MYO1E: variants seen among roughly 807,000 people sequenced by gnomAD.
MYO1E encodes the protein unconventional myosin-Ie.
MYO1E carries 68 observed loss-of-function variants against 151.1 expected under a neutral mutation model. The ratio of observed to expected loss-of-function variants is 0.45; its 90% CI spans 0.37 to 0.55. The LOEUF is 0.55. Among genes scored for constraint, MYO1E ranks in the 20% least tolerant of loss-of-function variants. The probability of loss-of-function intolerance (pLI) is 0.00; values close to 1 mark genes in which losing one functional copy is unlikely to be tolerated. For missense variants in MYO1E, 1,363 were observed against 1,389.3 expected, an observed-to-expected ratio of 0.98 and a Z score of 0.30; for synonymous variants, 601 against 501.7, an observed-to-expected ratio of 1.20 and a Z score of -2.64.
intron 1 of MYO1E, among the ~76,000 whole-genome samples, chr15:59,316,518 C>T (rs74017723): frequency 0.011 from 1,605 of 152,214 alleles, 29 homozygotes; most frequent in African/African-American, 0.036. Flanking sequence ...AGAAAGAAAA[C>T]GAATGGAAAT....
intron 1 of MYO1E, among the ~76,000 whole-genome samples, chr15:59,305,287 G>A (rs1022298930): frequency 2.0e-5 from 3 of 152,056 alleles, no homozygotes; most frequent in South Asian, 2.1e-4. Context: ...TCTGCCTCCC[G>A]GGATCAAGCA....
intron 2 of MYO1E, among the ~76,000 whole-genome samples, chr15:59,263,242 T>A (rs1427545127): frequency 6.6e-6 from 1 of 152,218 alleles, no homozygotes; most frequent in East Asian, 1.9e-4. Flanking sequence ...CCAGCCCAGG[T>A]GTTCAGTCAG....
intron 20 of MYO1E, 66 bp from the exon 21 acceptor site, chr15:59,173,981 G>A: frequency 1.9e-6 from 3 of 1,561,850 alleles, no homozygotes; most frequent in South Asian, 2.2e-5. Context: ...GGAAAATACT[G>A]TGGAAATATA....
intron 1 of MYO1E, among the ~76,000 whole-genome samples, chr15:59,319,042 G>A (rs907268639): frequency 6.6e-6 from 1 of 152,168 alleles, no homozygotes; most frequent in African/African-American, 2.4e-5. Context: ...TGGGTGTGGT[G>A]GCTCATGCCT....
chr15:59,272,185 C>CTTA (rs1296935437), intron 2 of MYO1E, 121 bp downstream of exon 2: 1 of 1,157,462 alleles, frequency 8.6e-7, no homozygotes, highest in Non-Finnish European at 1.3e-6. Flanking sequence ...GAACTCCTGC[C>CTTA]TTAGCCTTCC....
At chr15:59,213,151 A>T (rs1450408567) in intron 12 of MYO1E, among the ~76,000 whole-genome samples, 8 of 140,422 alleles carry the variant, frequency 5.7e-5, no homozygotes, top group African/African-American at 2.1e-4. Flanking sequence ...TATTATTATT[A>T]TTATTATTAT....
chr15:59,332,509 A>C (rs1425655389), intron 1 of MYO1E, among the ~76,000 whole-genome samples: 1 of 152,216 alleles, frequency 6.6e-6, no homozygotes, highest in Admixed American at 6.5e-5. Context: ...ATTAGAATAC[A>C]CAGATTACTA....
chr15:59,216,685 T>TATATAC (rs1232339026), intron 10 of MYO1E, among the ~76,000 whole-genome samples: 55 of 38,650 alleles, frequency 1.4e-3, no homozygotes, highest in Admixed American at 1.9e-3. Flanking sequence ...TATATATATA[T>TATATAC]ACACATACAC....
chr15:59,234,066 T>C (rs1566987595), intron 5 of MYO1E, among the ~76,000 whole-genome samples: 1 of 152,220 alleles, frequency 6.6e-6, no homozygotes, highest in Non-Finnish European at 1.5e-5. Context: ...ATCTTTCTAC[T>C]GCACAGAGCT....
chr15:59,277,132 CAA>C (rs1457009899), intron 1 of MYO1E, among the ~76,000 whole-genome samples: 1 of 152,172 alleles, frequency 6.6e-6, no homozygotes, highest in Non-Finnish European at 1.5e-5. Flanking sequence ...AGGTGACCAT[CAA>C]TACTCTTACA....
chr15:59,246,233 T>G (rs1261578755), intron 4 of MYO1E, among the ~76,000 whole-genome samples: 5 of 152,172 alleles, frequency 3.3e-5, no homozygotes, highest in Non-Finnish European at 7.3e-5. Context: ...TTCTCCTGCC[T>G]CAGCTTTCCA....
intron 9 of MYO1E, among the ~76,000 whole-genome samples, chr15:59,221,016 A>G (rs1241382524): frequency 1.4e-5 from 2 of 145,116 alleles, no homozygotes; most frequent in African/African-American, 2.5e-5. Context: ...TATAATATAT[A>G]TATAAAATTT....
At chr15:59,259,585 G>A (rs1462209871) in intron 3 of MYO1E, among the ~76,000 whole-genome samples, 1 of 152,172 alleles carries the variant, frequency 6.6e-6, no homozygotes, top group Non-Finnish European at 1.5e-5. Context: ...CTTTGAAAAT[G>A]AGAAAGTAGA....
At position 59,278,814 on chromosome 15, in the gene MYO1E, C is replaced by T. The variant is rs114568767; in HGVS notation, c.4-6365G>A. ...GGAACATTTACTGAAACCAGAAATA[C>T]GTGCCAATGCTTTTTACATAATTAT... On this transcript the variant is annotated intron_variant, in intron 1 of 27. Coordinates refer to ENST00000288235, the MANE Select transcript of MYO1E (RefSeq NM_004998.4). Among the ~76,000 whole-genome samples, 710 of 152,238 alleles carry T rather than the reference C, an allele frequency of 4.7e-3. 3 individuals carry two copies. Among genetic ancestry groups the T allele is most frequent in the African/African-American group, 0.016 (666 of 41,536 alleles).
chr15:59,155,056 G>A (rs1440124177), intron 25 of MYO1E, among the ~76,000 whole-genome samples: 1 of 152,154 alleles, frequency 6.6e-6, no homozygotes, highest in East Asian at 1.9e-4. Flanking sequence ...AGGGTCTGGG[G>A]ATGGGGAGGG....
At chr15:59,175,802 A>G (rs1245775857) in intron 19 of MYO1E, among the ~76,000 whole-genome samples, 1 of 152,188 alleles carries the variant, frequency 6.6e-6, no homozygotes, top group Non-Finnish European at 1.5e-5. Flanking sequence ...CAGGCAAACG[A>G]TTCCCAACTT....
chr15:59,171,367 A>G, intron 22 of MYO1E: 1 of 169,668 alleles, frequency 5.9e-6, no homozygotes, highest in Admixed American at 5.7e-5. Context: ...GCCTTGTGGA[A>G]GCAAACACCA....
intron 26 of MYO1E, among the ~76,000 whole-genome samples, chr15:59,152,947 C>T (rs2079490263): frequency 6.6e-6 from 1 of 152,204 alleles, no homozygotes; most frequent in Admixed American, 6.5e-5. Context: ...GCAGAGTTCA[C>T]CAACTGGCTT....
rs78750233 is a variant in MYO1E, at chr15:59,161,214, T to C, written c.2644A>G (p.Lys882Glu). 6.2e-7 allele frequency: 1 copy of C among 1,613,870 alleles called. No individual in the cohort carries two copies. Among genetic ancestry groups the C allele is most frequent in the Admixed American group, 1.7e-5 (1 of 60,016 alleles). ...KFSNTLELKLKKENWGPWSAG... is the reference protein window; with the variant it reads ...KFSNTLELKLEKENWGPWSAG... ...CTCCAGGGGCCCCAGTTTTCCTTTT[T>C]CAACTTCAGTTCAAGCCTGCAAAAA... The change falls in exon 24 of 28, where the codon AAA becomes GAA. Residue 882 changes from lysine (K) to glutamate (E), a missense_variant. Physicochemically the swap from Lys to Glu is moderately conservative, Grantham distance 56. Coordinates refer to ENST00000288235, the MANE Select transcript of MYO1E (RefSeq NM_004998.4).
Sources: allele counts gnomAD v4.1 joint callset (sites outside exome capture counted in the v4.1 genomes callset), GRCh38; gene constraint gnomAD v4.1.1; transcripts MANE v1.5; gene names NCBI Gene and HGNC (gene_info 2026-07-23, HGNC 2026-07-21).